The following RORB variants were observed in gnomAD, a reference collection of about 807,000 sequenced individuals.
RORB encodes the protein nuclear receptor ROR-beta.
Under a neutral mutation model 59.1 loss-of-function variants are expected in RORB, and 6 were observed. The ratio of observed to expected loss-of-function variants is 0.10; its 90% CI spans 0.06 to 0.20. RORB has a LOEUF of 0.20. Ranked by LOEUF, RORB falls within the 10% of genes least tolerant of loss-of-function variation. RORB has a pLI of 1.00. For missense variants in RORB, 320 were observed against 560.5 expected, an observed-to-expected ratio of 0.57 and a Z score of 4.33; for synonymous variants, 215 against 204.5, an observed-to-expected ratio of 1.05 and a Z score of -0.44.
At chr9:74,520,438 A>G (rs1229263253) in intron 1 of RORB, among the ~76,000 whole-genome samples, 8 of 151,922 alleles carry the variant, frequency 5.3e-5, no homozygotes, top group Non-Finnish European at 1.2e-4. Flanking sequence ...TGCATCGGCT[A>G]GGATCGTTTA....
chr9:74,628,211 A>G (rs1211830783), intron 1 of RORB, among the ~76,000 whole-genome samples: 2 of 152,208 alleles, frequency 1.3e-5, no homozygotes, highest in African/African-American at 4.8e-5. Context: ...AACAAATACT[A>G]GCTCGTGTAA....
intron 1 of RORB, among the ~76,000 whole-genome samples, chr9:74,543,408 T>C (rs1826442343): frequency 6.6e-6 from 1 of 152,186 alleles, no homozygotes; most frequent in Non-Finnish European, 1.5e-5. Context: ...AGAGGCCCAT[T>C]TGCTGTTTTA....
At chr9:74,605,360 G>T (rs1823132396) in intron 1 of RORB, among the ~76,000 whole-genome samples, 1 of 152,176 alleles carries the variant, frequency 6.6e-6, no homozygotes, top group Non-Finnish European at 1.5e-5. Flanking sequence ...TCATGGTATT[G>T]TTGGTCAGTA....
intron 3 of RORB, among the ~76,000 whole-genome samples, chr9:74,636,937 G>T (rs191168013): frequency 5.1e-4 from 78 of 152,272 alleles, no homozygotes; most frequent in Admixed American, 1.4e-3. Flanking sequence ...TACCAGGGAA[G>T]CTGAATAGGT....
chr9:74,658,448 G>A (rs978453699), intron 4 of RORB, among the ~76,000 whole-genome samples: 4 of 152,108 alleles, frequency 2.6e-5, no homozygotes, highest in Admixed American at 1.3e-4. Flanking sequence ...GATATCAGAA[G>A]GCCAGAGAAT....
At chr9:74,675,921 ATGTTTGAACTATAAAGAC>A (rs1253616543) in intron 9 of RORB, among the ~76,000 whole-genome samples, 1 of 152,204 alleles carries the variant, frequency 6.6e-6, no homozygotes, top group East Asian at 1.9e-4. Context: ...AGGGCAGCAA[ATGTTTGAACTATAAAGAC>A]TGTTGCTCTT....
At chr9:74,640,853 G>C (rs1031046676) in intron 3 of RORB, among the ~76,000 whole-genome samples, 2 of 152,196 alleles carry the variant, frequency 1.3e-5, no homozygotes, top group South Asian at 4.1e-4. Context: ...AATGGGAAAA[G>C]AAAATGAATT....
chr9:74,536,504 G>C (rs980930343), intron 1 of RORB, among the ~76,000 whole-genome samples: 1 of 152,018 alleles, frequency 6.6e-6, no homozygotes, highest in Non-Finnish European at 1.5e-5. Context: ...TTGGGGAAAT[G>C]ACAGAGCCAT....
chr9:74,605,694 T>C (rs1293116072), intron 1 of RORB, among the ~76,000 whole-genome samples: 1 of 152,186 alleles, frequency 6.6e-6, no homozygotes, highest in Non-Finnish European at 1.5e-5. Context: ...AGTACGTCTT[T>C]CTTGAAATGC....
At chr9:74,661,247 T>G (rs1824174894) in intron 5 of RORB, among the ~76,000 whole-genome samples, 2 of 152,212 alleles carry the variant, frequency 1.3e-5, no homozygotes, top group African/African-American at 4.8e-5. Context: ...TGTCATTTCT[T>G]TGGGTTTGTT....
chr9:74,619,342 C>A (rs1449416726), intron 1 of RORB, among the ~76,000 whole-genome samples: 1 of 152,202 alleles, frequency 6.6e-6, no homozygotes, highest in Non-Finnish European at 1.5e-5. Context: ...GTCTGCCCTG[C>A]ATTCAGGTGA....
chr9:74,562,220 C>T (rs1238132639), intron 1 of RORB, among the ~76,000 whole-genome samples: 11 of 152,082 alleles, frequency 7.2e-5, no homozygotes, highest in Admixed American at 7.2e-4. Flanking sequence ...TCTTATTGTA[C>T]ACTCAGTTAT....
intron 1 of RORB, among the ~76,000 whole-genome samples, chr9:74,525,898 G>A (rs1826150558): frequency 6.6e-6 from 1 of 151,844 alleles, no homozygotes; most frequent in African/African-American, 2.4e-5. Flanking sequence ...AAATTTACTA[G>A]AGTTAATTAC....
intron 4 of RORB, among the ~76,000 whole-genome samples, chr9:74,647,649 TA>T (rs2094286170): frequency 6.6e-6 from 1 of 152,184 alleles, no homozygotes; most frequent in Admixed American, 6.5e-5. Flanking sequence ...TTAAGCATCA[TA>T]AATAAATATA....
Position 74,506,747 on chromosome 9 carries a change from CA to C in RORB, c.7+8767del, listed in dbSNP as rs374943673. Among the ~76,000 whole-genome samples, 33 of 152,186 alleles carry C rather than the reference CA, an allele frequency of 2.2e-4. No homozygotes were observed. In the South Asian group the frequency reaches 6.8e-3, roughly 32 times the overall value. ...TCTGCATTAGCATGAATCTCATCTTCAAATTTCCACATAGTGGGCAGGACCA... is the reference window on the plus strand; with the variant it reads ...TCTGCATTAGCATGAATCTCATCTTCAATTTCCACATAGTGGGCAGGACCA... On this transcript the variant is annotated intron_variant, in intron 1 of 9. Coordinates refer to ENST00000376896, the MANE Select transcript of RORB (RefSeq NM_006914.4).
intron 3 of RORB, among the ~76,000 whole-genome samples, chr9:74,639,310 T>C (rs1425719898): frequency 6.6e-6 from 1 of 152,206 alleles, no homozygotes; most frequent in Non-Finnish European, 1.5e-5. Flanking sequence ...CAATATTCCA[T>C]TGGTCCACAG....
intron 1 of RORB, among the ~76,000 whole-genome samples, chr9:74,584,065 A>G (rs532423207): frequency 6.6e-6 from 1 of 152,318 alleles, no homozygotes; most frequent in African/African-American, 2.4e-5. Flanking sequence ...TGACAGCCAT[A>G]AACACTTTCT....
At chr9:74,506,983 A>G (rs1825878991) in intron 1 of RORB, among the ~76,000 whole-genome samples, 2 of 152,120 alleles carry the variant, frequency 1.3e-5, no homozygotes, top group Admixed American at 1.3e-4. Context: ...TTCCAAAAAG[A>G]TGAAGGCTTG....
chr9:74,589,709 G>A (rs1822856922), intron 1 of RORB, among the ~76,000 whole-genome samples: 1 of 152,114 alleles, frequency 6.6e-6, no homozygotes, highest in African/African-American at 2.4e-5. Context: ...CACTGGGGGT[G>A]CCCTCGCATG....
Sources: allele counts gnomAD v4.1 joint callset (sites outside exome capture counted in the v4.1 genomes callset), GRCh38; gene constraint gnomAD v4.1.1; transcripts MANE v1.5; gene names NCBI Gene and HGNC (gene_info 2026-07-23, HGNC 2026-07-21).